ACSS3: variants seen among roughly 807,000 people sequenced by gnomAD.
ACSS3 encodes acyl-CoA synthetase short chain family member 3, also known as acyl-CoA synthetase short-chain family member 3, mitochondrial.
A neutral mutation model predicts 84.2 loss-of-function variants in ACSS3; 64 were observed. The ratio of observed to expected loss-of-function variants is 0.76; its 90% CI spans 0.62 to 0.94. The LOEUF (loss-of-function observed/expected upper bound fraction) is 0.94. Ranked by LOEUF, ACSS3 falls within the 40% of genes least tolerant of loss-of-function variation. The pLI is 0.00. For synonymous variants in ACSS3, 317 were observed against 310.1 expected (o/e 1.02, Z -0.23); for missense variants, 815 against 867.6 (o/e 0.94, Z 0.76).
At position 81,199,575 on chromosome 12, in the gene ACSS3, G is replaced by A. The variant is rs1171390488; in HGVS notation, c.1354+131G>A. 4 of 1,472,542 alleles carry A rather than the reference G, an allele frequency of 2.7e-6. No homozygotes were observed. The Admixed American group carries it at 5.9e-5, about 22-fold the overall frequency. 91.2% of individuals were successfully genotyped at this position (1,472,542 alleles called of 1,614,324 possible). ...CGGGATTCGAGTGGTTCAGGTTTCA[G>A]TAAAAATAAGCAATTTTTTTATTGT... is the stretch of plus-strand genomic sequence containing the variant. On this transcript the variant is annotated intron_variant, in intron 9 of 15. Transcript: ENST00000548058.
intron 13 of ACSS3, among the ~76,000 whole-genome samples, chr12:81,244,540 G>C (rs564774163): frequency 6.6e-6 from 1 of 151,856 alleles, no homozygotes; most frequent in South Asian, 2.1e-4. Context: ...TGGATATTTT[G>C]TTCTGTTTGG....
chr12:81,169,163 G>A (rs1374710730), intron 7 of ACSS3, among the ~76,000 whole-genome samples: 1 of 152,148 alleles, frequency 6.6e-6, no homozygotes, highest in African/African-American at 2.4e-5. Flanking sequence ...GAATAAGATG[G>A]AGAAAGGCAA....
intron 2 of ACSS3, among the ~76,000 whole-genome samples, chr12:81,125,130 C>T (rs866950667): frequency 4.2e-4 from 64 of 152,116 alleles, no homozygotes; most frequent in African/African-American, 1.2e-3. Context: ...AGGAGAATGG[C>T]GTGAATCCGG....
chr12:81,258,252 C>T lies in ACSS3; in HGVS notation c.*3330C>T, dbSNP rs559009249. On this transcript the variant is annotated 3_prime_UTR_variant, in exon 16 of 16. Coordinates refer to ENST00000548058, the MANE Select transcript of ACSS3 (RefSeq NM_024560.4). Reference sequence around the variant, plus strand: ...AGCCTTATGTGACTAGAAAACAAAGCTTAAACAGAGAACTGGAATTATTAT... The same window carrying T: ...AGCCTTATGTGACTAGAAAACAAAGTTTAAACAGAGAACTGGAATTATTAT... 14 of 152,150 alleles carry T rather than the reference C, an allele frequency of 9.2e-5. No individual in the cohort carries two copies. Among genetic ancestry groups the T allele is most frequent in the Admixed American group, 3.9e-4 (6 of 15,258 alleles). The allele number at this position is 152,150 out of a possible 1,614,324, so 9.4% of individuals were successfully genotyped here. A position where few individuals can be genotyped will look rare whatever the true frequency, so the allele number is the denominator to read the frequency against.
At chr12:81,210,252 A>C (rs2032537407) in intron 9 of ACSS3, among the ~76,000 whole-genome samples, 1 of 152,142 alleles carries the variant, frequency 6.6e-6, no homozygotes, top group South Asian at 2.1e-4. Context: ...CATCTTCTGT[A>C]ACTTCTTCAG....
chr12:81,102,475 C>T (rs1232172448), intron 1 of ACSS3, among the ~76,000 whole-genome samples: 1 of 152,084 alleles, frequency 6.6e-6, no homozygotes, highest in African/African-American at 2.4e-5. Flanking sequence ...GCATGTGTGG[C>T]TTAATAATAG....
chr12:81,100,335 T>C (rs573909380), intron 1 of ACSS3, among the ~76,000 whole-genome samples: 49 of 146,422 alleles, frequency 3.3e-4, no homozygotes, highest in African/African-American at 1.1e-3. Context: ...AAATAAGAAG[T>C]CCAAAAGGAA....
At chr12:81,123,661 A>G (rs571794701) in intron 2 of ACSS3, among the ~76,000 whole-genome samples, 36 of 151,674 alleles carry the variant, frequency 2.4e-4, no homozygotes, top group Non-Finnish European at 4.6e-4. Flanking sequence ...TATCGTTCTC[A>G]TCTCTATTTC....
intron 2 of ACSS3, 42 bp downstream of exon 2, chr12:81,109,746 A>G: frequency 1.4e-6 from 2 of 1,432,100 alleles, no homozygotes; most frequent in East Asian, 4.9e-5. Context: ...GAATTCATAT[A>G]GAAATTACTT....
intron 2 of ACSS3, among the ~76,000 whole-genome samples, chr12:81,126,632 G>A (rs1253152093): frequency 6.6e-6 from 1 of 152,100 alleles, no homozygotes; most frequent in East Asian, 1.9e-4. Context: ...TATACATAGG[G>A]AAATACAGGA....
At chr12:81,080,436 A>G (rs181074101) in intron 1 of ACSS3, among the ~76,000 whole-genome samples, 11 of 152,092 alleles carry the variant, frequency 7.2e-5, no homozygotes, top group Admixed American at 3.3e-4. Context: ...ATAGATCACA[A>G]TTTGATAACA....
intron 9 of ACSS3, among the ~76,000 whole-genome samples, chr12:81,211,254 G>A (rs758968693): frequency 6.6e-5 from 10 of 152,146 alleles, no homozygotes; most frequent in South Asian, 6.2e-4. Context: ...TGCTGGGAAT[G>A]CAGTCAGGAG....
chr12:81,216,576 A>G (rs184311486), intron 9 of ACSS3, among the ~76,000 whole-genome samples: 7 of 152,312 alleles, frequency 4.6e-5, no homozygotes, highest in Admixed American at 2.0e-4. Context: ...AGTGTGTGTT[A>G]TGGAACCGTC....
chr12:81,241,946 C>T (rs1483538844), intron 13 of ACSS3, among the ~76,000 whole-genome samples: 1 of 152,092 alleles, frequency 6.6e-6, no homozygotes, highest in Non-Finnish European at 1.5e-5. Flanking sequence ...CCTAGGTTTT[C>T]TTCTAGGGTT....
At chr12:81,078,067 A>C (rs568188981), upstream of ACSS3, 3 of 1,435,258 alleles carry the variant, frequency 2.1e-6, no homozygotes, top group African/African-American at 2.9e-5. Context: ...GGCCCCAGGA[A>C]GTTGCAAGAG....
intron 1 of ACSS3, among the ~76,000 whole-genome samples, chr12:81,102,883 C>T (rs188660362): frequency 3.1e-4 from 47 of 151,824 alleles, no homozygotes; most frequent in Admixed American, 2.2e-3. Context: ...GTTAGATGCT[C>T]ATGTTAGATT....
intron 1 of ACSS3, among the ~76,000 whole-genome samples, chr12:81,089,474 T>A (rs1434570467): frequency 1.3e-5 from 2 of 151,950 alleles, no homozygotes; most frequent in Non-Finnish European, 1.5e-5. Context: ...CAGTGCAAGG[T>A]CAATGAGTTG....
At chr12:81,143,601 TA>T (rs1336736020) in intron 5 of ACSS3, 3 of 152,130 alleles carry the variant, frequency 2.0e-5, no homozygotes, top group Admixed American at 2.0e-4. Flanking sequence ...TAACATTATA[TA>T]AAAATATATT....
intron 1 of ACSS3, among the ~76,000 whole-genome samples, chr12:81,083,174 G>A (rs1348713821): frequency 6.6e-6 from 1 of 152,162 alleles, no homozygotes; most frequent in African/African-American, 2.4e-5. Flanking sequence ...AATAGTTTCA[G>A]CCTGCTTTTA....
Sources: gnomAD v4.1 joint callset for allele counts (sites outside exome capture counted in the v4.1 genomes callset) on GRCh38, gnomAD v4.1.1 for gene constraint, MANE v1.5 for transcripts, NCBI Gene and HGNC (gene_info 2026-07-23, HGNC 2026-07-21) for gene names.